Variants in ITGB5 observed in about 807,000 individuals in gnomAD.
ITGB5 encodes integrin subunit beta 5.
ITGB5 carries 38 observed loss-of-function variants against 84.8 expected under a neutral mutation model. That is an observed-to-expected ratio of 0.45 (90% CI 0.35 to 0.59). The LOEUF is 0.59. Among genes scored for constraint, ITGB5 ranks in the 20% least tolerant of loss-of-function variants. The pLI, the probability that ITGB5 is intolerant of heterozygous loss-of-function variation, is 0.01. For synonymous variants in ITGB5, 393 were observed against 414.4 expected, an observed-to-expected ratio of 0.95 and a Z score of 0.63; for missense variants, 905 against 1,034.5, an observed-to-expected ratio of 0.87 and a Z score of 1.72.
intron 9 of ITGB5, among the ~76,000 whole-genome samples, chr3:124,803,420 C>G (rs1286020653): frequency 6.6e-6 from 1 of 152,208 alleles, no homozygotes; most frequent in African/African-American, 2.4e-5. Flanking sequence ...CCTTATAAAG[C>G]TGCTGTAAGA....
intron 5 of ITGB5, among the ~76,000 whole-genome samples, chr3:124,841,081 C>G (rs2065004451): frequency 6.6e-6 from 1 of 152,204 alleles, no homozygotes; most frequent in Non-Finnish European, 1.5e-5. Context: ...CTTTTTTCCC[C>G]TGAAAATAAA....
intron 5 of ITGB5, among the ~76,000 whole-genome samples, chr3:124,824,655 C>T (rs187673181): frequency 2.0e-5 from 3 of 152,182 alleles, no homozygotes; most frequent in African/African-American, 7.2e-5. Flanking sequence ...GATTTGTTTA[C>T]AGAATATATA....
chr3:124,805,050 TCCCTCCCTG>T, intron 9 of ITGB5, among the ~76,000 whole-genome samples: 1 of 126,610 alleles, frequency 7.9e-6, no homozygotes, highest in South Asian at 2.9e-4. Flanking sequence ...TGCCCTGCCC[TCCCTCCCTG>T]CCCTGCCCTG....
At chr3:124,793,645 C>T (rs2064180913) in intron 10 of ITGB5, among the ~76,000 whole-genome samples, 1 of 152,338 alleles carries the variant, frequency 6.6e-6, no homozygotes, top group African/African-American at 2.4e-5. Flanking sequence ...ACTCTATGCC[C>T]AAGTCACACT....
chr3:124,866,491 A>T (rs1260662464), intron 2 of ITGB5, among the ~76,000 whole-genome samples: 1 of 152,212 alleles, frequency 6.6e-6, no homozygotes, highest in East Asian at 1.9e-4. Flanking sequence ...GGAAAAGACA[A>T]ATTCTTGTTT....
intron 3 of ITGB5, among the ~76,000 whole-genome samples, chr3:124,855,557 G>T (rs2065211945): frequency 6.6e-6 from 1 of 151,992 alleles, no homozygotes; most frequent in South Asian, 2.1e-4. Context: ...TCTACATTTG[G>T]GAAACATATT....
rs1164218927 is a variant in ITGB5 at position 124,884,776 on chromosome 3, C to G, written c.70+2155G>C. 6.6e-5 allele frequency among the ~76,000 whole-genome samples: 10 copies of G among 152,160 alleles called. 1 individual carries two copies. Among genetic ancestry groups the G allele is most frequent in the Admixed American group, 6.5e-4 (10 of 15,280 alleles). On this transcript the variant is annotated intron_variant, in intron 1 of 14. Coordinates refer to ENST00000296181, the MANE Select transcript of ITGB5 (RefSeq NM_002213.5). ...GAACCACCATGCTCAGTGCTTTTCT[C>G]TTCCTTAAGCTGAGTCGGTAGGACA...
At chr3:124,873,423 C>T (rs189605913) in intron 2 of ITGB5, 23 bp downstream of exon 2, 5 of 1,547,718 alleles carry the variant, frequency 3.2e-6, no homozygotes, top group African/African-American at 1.4e-5. Flanking sequence ...TTCCCTTCTT[C>T]CTCCCCTCCC....
chr3:124,861,915 T>G (rs1364981769), intron 2 of ITGB5, among the ~76,000 whole-genome samples: 1 of 152,328 alleles, frequency 6.6e-6, no homozygotes, highest in Non-Finnish European at 1.5e-5. Context: ...GTGGTCAAGC[T>G]TGGCTCTGAT....
intron 9 of ITGB5, among the ~76,000 whole-genome samples, chr3:124,806,164 T>A (rs72972551): frequency 0.032 from 4,890 of 152,270 alleles, 142 homozygotes; most frequent in African/African-American, 0.069. Context: ...TATTATTAAA[T>A]ATTTGCCTTA....
chr3:124,817,772 G>T, intron 7 of ITGB5, 62 bp from the exon 8 acceptor site: 1 of 923,806 alleles, frequency 1.1e-6, no homozygotes, highest in Non-Finnish European at 1.8e-6. Context: ...ATCAGAGTGA[G>T]CATTGCTATA....
intron 11 of ITGB5, among the ~76,000 whole-genome samples, chr3:124,770,505 C>T (rs1237809799): frequency 2.6e-5 from 4 of 152,220 alleles, no homozygotes; most frequent in Admixed American, 2.0e-4. Flanking sequence ...TGTTTCTTAA[C>T]TCCTCGGGAT....
intron 5 of ITGB5, among the ~76,000 whole-genome samples, chr3:124,825,085 T>C (rs935974355): frequency 9.2e-5 from 14 of 151,648 alleles, no homozygotes; most frequent in African/African-American, 3.4e-4. Flanking sequence ...TAATCCCAGC[T>C]ACTCGGGAGG....
chr3:124,778,796 C>T (rs2063960918), intron 10 of ITGB5, among the ~76,000 whole-genome samples: 1 of 152,124 alleles, frequency 6.6e-6, no homozygotes, highest in Non-Finnish European at 1.5e-5. Flanking sequence ...GAAGAGATCA[C>T]AGTAGAGATG....
At chr3:124,874,339 A>G (rs1358030339) in intron 1 of ITGB5, among the ~76,000 whole-genome samples, 4 of 151,760 alleles carry the variant, frequency 2.6e-5, no homozygotes, top group African/African-American at 9.7e-5. Context: ...AAGAAAGAAA[A>G]AGAAACTGAA....
chr3:124,802,680 C>T (rs527446403), intron 9 of ITGB5, among the ~76,000 whole-genome samples: 30 of 152,346 alleles, frequency 2.0e-4, no homozygotes, highest in African/African-American at 7.2e-4. Context: ...TGCACTGGGA[C>T]CTACAAATGA....
At chr3:124,871,679 T>C (rs1934058302) in intron 2 of ITGB5, among the ~76,000 whole-genome samples, 1 of 151,780 alleles carries the variant, frequency 6.6e-6, no homozygotes, top group East Asian at 1.9e-4. Flanking sequence ...TTTTTTCAAT[T>C]AGCCGAGCAC....
chr3:124,801,220 C>A (rs998281383), intron 9 of ITGB5, among the ~76,000 whole-genome samples: 10 of 152,298 alleles, frequency 6.6e-5, no homozygotes, highest in Admixed American at 1.3e-4. Flanking sequence ...AGCCTCACAG[C>A]CAGCCACTTG....
rs568675110 is a variant in ITGB5, at chr3:124,859,129, C to G, written c.361+113G>C. On this transcript the variant is annotated intron_variant, in intron 3 of 14. Transcript: ENST00000296181. ...GAGCCTTGCCTCCCCATCACCATCT[C>G]GTGGCTCTGATCTCAGCCTGGCCTG... is the stretch of plus-strand genomic sequence containing the variant. 108 of 983,612 alleles carry G rather than the reference C, an allele frequency of 1.1e-4. 2 individuals carry two copies. In the East Asian group the frequency reaches 2.1e-3, roughly 20 times the overall value. The allele number at this position is 983,612 out of a possible 1,614,324, so 60.9% of individuals were successfully genotyped here. A position where few individuals can be genotyped will look rare whatever the true frequency, so the allele number is the denominator to read the frequency against.
Sources: gnomAD v4.1 joint callset for allele counts (sites outside exome capture counted in the v4.1 genomes callset) on GRCh38, gnomAD v4.1.1 for gene constraint, MANE v1.5 for transcripts, NCBI Gene and HGNC (gene_info 2026-07-23, HGNC 2026-07-21) for gene names.